The following MBNL2 variants were observed in gnomAD, a reference collection of about 807,000 sequenced individuals.
The protein encoded by MBNL2 is muscleblind-like protein 2.
Under a neutral mutation model 41.9 loss-of-function variants are expected in MBNL2, and 17 were observed. That is an observed-to-expected ratio of 0.41 (90% CI 0.28 to 0.61). The LOEUF (loss-of-function observed/expected upper bound fraction) is 0.61. Ranked by LOEUF, MBNL2 falls within the 20% of genes least tolerant of loss-of-function variation. The probability of loss-of-function intolerance (pLI) is 0.35; values close to 1 mark genes in which losing one functional copy is unlikely to be tolerated. For synonymous variants in MBNL2, 195 were observed against 182.9 expected (o/e 1.07, Z -0.53); for missense variants, 336 against 505.6 (o/e 0.66, Z 3.22).
At chr13:97,320,259 G>T (rs2059389537) in intron 2 of MBNL2, among the ~76,000 whole-genome samples, 2 of 142,698 alleles carry the variant, frequency 1.4e-5, no homozygotes, top group South Asian at 2.3e-4. Context: ...CTCTGGAAGG[G>T]TCTTTTTTTT....
At chr13:97,388,044 A>G (rs2066071664) in intron 8 of MBNL2, among the ~76,000 whole-genome samples, 1 of 152,136 alleles carries the variant, frequency 6.6e-6, no homozygotes, top group African/African-American at 2.4e-5. Flanking sequence ...CAAATGCAGG[A>G]CAGGAAAGAA....
Position 97,334,142 on chromosome 13 carries a change from GCACACC to G in MBNL2, c.175-128_175-123del. On this transcript the variant is annotated intron_variant, in intron 2 of 8. Transcript: ENST00000679496. This position sits in a 1 kb window ranked among gnomAD's most constrained non-coding sequence, Gnocchi z 5.3. The stretch of plus-strand genomic sequence containing the variant: ...CCAACAAACACATGAGCATGCGCGC[GCACACC>G]CACACACACACACACACACACACAC... 2.7e-6 allele frequency: 1 copy of G among 371,912 alleles called. No individual in the cohort carries two copies. 23.0% of individuals were successfully genotyped at this position (371,912 alleles called of 1,614,324 possible). A position where few individuals can be genotyped will look rare whatever the true frequency, so the allele number is the denominator to read the frequency against.
chr13:97,365,488 C>T (rs1410193684), intron 8 of MBNL2, among the ~76,000 whole-genome samples: 1 of 152,170 alleles, frequency 6.6e-6, no homozygotes, highest in Non-Finnish European at 1.5e-5. Flanking sequence ...CTTACTCTAT[C>T]AGCGAGGCAG....
the MBNL2 span, among the ~76,000 whole-genome samples, chr13:97,175,560 C>A: frequency 2.6e-5 from 4 of 152,112 alleles, no homozygotes; most frequent in Admixed American, 2.6e-4. Flanking sequence ...TGGTGTTGAC[C>A]TGGAAAAATG....
intron 7 of MBNL2, among the ~76,000 whole-genome samples, chr13:97,358,090 A>G (rs963773364): frequency 6.6e-6 from 1 of 152,186 alleles, no homozygotes; most frequent in African/African-American, 2.4e-5. Context: ...TCATATTTTT[A>G]TATTCATTCT....
intron 2 of MBNL2, among the ~76,000 whole-genome samples, chr13:97,307,223 C>A (rs1244778513): frequency 6.6e-6 from 1 of 151,918 alleles, no homozygotes; most frequent in Non-Finnish European, 1.5e-5. Flanking sequence ...AGTTGGTTGT[C>A]AGAAATCCTC....
intron 3 of MBNL2, among the ~76,000 whole-genome samples, chr13:97,340,589 T>C (rs2061369250): frequency 6.6e-6 from 1 of 152,138 alleles, no homozygotes. Flanking sequence ...CCCAACCCTT[T>C]CAGCTAAGTA....
chr13:97,355,327 T>G (rs1002700942), intron 5 of MBNL2, among the ~76,000 whole-genome samples: 1 of 152,102 alleles, frequency 6.6e-6, no homozygotes, highest in Non-Finnish European at 1.5e-5. Context: ...CCCTATTATC[T>G]CCATACTTTT....
intron 2 of MBNL2, 126 bp downstream of exon 2, chr13:97,276,535 T>C (rs1955305089): frequency 2.2e-6 from 2 of 906,048 alleles, no homozygotes; most frequent in South Asian, 1.7e-5. Flanking sequence ...TTGTGGTGAC[T>C]GTTGGGAGAT....
chr13:97,356,258 G>C (rs1310985523), intron 5 of MBNL2, among the ~76,000 whole-genome samples: 1 of 151,964 alleles, frequency 6.6e-6, no homozygotes, highest in African/African-American at 2.4e-5. Context: ...TGAATTTTTT[G>C]TCTCAGTTCG....
intron 7 of MBNL2, among the ~76,000 whole-genome samples, chr13:97,361,985 C>T (rs929257499): frequency 6.6e-6 from 1 of 151,844 alleles, no homozygotes; most frequent in Non-Finnish European, 1.5e-5. Flanking sequence ...CTTGGCCAGA[C>T]TGGTCTTGAT....
At chr13:97,276,506 T>A in intron 2 of MBNL2, 97 bp downstream of exon 2, 12 of 1,171,690 alleles carry the variant, frequency 1.0e-5, no homozygotes, top group Non-Finnish European at 1.1e-5. Context: ...AAAATTGCTT[T>A]TAGATTCTAT....
the MBNL2 span, among the ~76,000 whole-genome samples, chr13:97,160,025 C>T: frequency 0.014 from 2,178 of 152,216 alleles, 51 homozygotes; most frequent in African/African-American, 0.049. Flanking sequence ...CCATCACTTT[C>T]AGGTACACCA....
intron 1 of MBNL2, among the ~76,000 whole-genome samples, chr13:97,244,936 GAC>G (rs2045140228): frequency 6.6e-6 from 1 of 152,104 alleles, no homozygotes; most frequent in South Asian, 2.1e-4. Context: ...TCATTATAAT[GAC>G]ACACAGCAAT....
intron 8 of MBNL2, 46 bp from the exon 9 acceptor site, chr13:97,391,276 C>T (rs577226849): frequency 7.3e-6 from 6 of 827,136 alleles, no homozygotes; most frequent in African/African-American, 6.9e-5. Context: ...CATTATTTTT[C>T]CTCCCAGAAG....
At chr13:97,313,307 A>C (rs1027104062) in intron 2 of MBNL2, among the ~76,000 whole-genome samples, 1 of 152,178 alleles carries the variant, frequency 6.6e-6, no homozygotes, top group African/African-American at 2.4e-5. Flanking sequence ...AGCAATTTTC[A>C]ATGGTTTTCC....
intron 2 of MBNL2, among the ~76,000 whole-genome samples, chr13:97,314,950 G>C (rs1417650311): frequency 6.6e-6 from 1 of 152,088 alleles, no homozygotes; most frequent in Non-Finnish European, 1.5e-5. Flanking sequence ...GGATTTATAA[G>C]AATCAGGGTT....
chr13:97,161,370 A>T, the MBNL2 span, among the ~76,000 whole-genome samples: 7 of 152,134 alleles, frequency 4.6e-5, no homozygotes, highest in African/African-American at 1.4e-4. Flanking sequence ...GAACCTCACC[A>T]TTGAGGGTAA....
Position 97,376,010 on chromosome 13 carries a change from A to AACAGG in MBNL2, c.1048+10850_1048+10854dup, listed in dbSNP as rs538847866. Among the ~76,000 whole-genome samples, 248 of 152,242 alleles carry AACAGG rather than the reference A, an allele frequency of 1.6e-3. 2 individuals carry two copies. Among genetic ancestry groups the AACAGG allele is most frequent in the African/African-American group, 5.9e-3 (244 of 41,538 alleles). On this transcript the variant is annotated intron_variant, in intron 8 of 8. Transcript: ENST00000679496. ...GGAGGGCCTTAAAGTGCAGGATGAG[A>AACAGG]ACAGGACAGGACAGGTTCCATGAGA... is the stretch of plus-strand genomic sequence containing the variant.
Sources: allele counts gnomAD v4.1 joint callset (sites outside exome capture counted in the v4.1 genomes callset), GRCh38; gene constraint gnomAD v4.1.1; non-coding constraint Gnocchi (gnomAD v3.1); transcripts MANE v1.5; gene names NCBI Gene and HGNC (gene_info 2026-07-23, HGNC 2026-07-21).